UGT1A9: variants seen among roughly 807,000 people sequenced by gnomAD.
The protein encoded by UGT1A9 is UDP-glucuronosyltransferase 1A9.
A neutral mutation model predicts 45.0 loss-of-function variants in UGT1A9; 35 were observed. That is an observed-to-expected ratio of 0.78 (90% CI 0.59 to 1.03). The LOEUF (loss-of-function observed/expected upper bound fraction) is 1.03. Among genes scored for constraint, UGT1A9 ranks in the 50% least tolerant of loss-of-function variants. The pLI is 0.00. For missense variants in UGT1A9, 687 were observed against 666.6 expected (o/e 1.03, Z -0.34); for synonymous variants, 278 against 250.6 (o/e 1.11, Z -1.03).
intron 1 of UGT1A9, among the ~76,000 whole-genome samples, chr2:233,724,675 T>G (rs1346427449): frequency 7.1e-6 from 1 of 141,646 alleles, no homozygotes; most frequent in Non-Finnish European, 1.5e-5. Context: ...ACTTCCTAGA[T>G]GGGATGGCGG....
At chr2:233,711,354 C>G (rs1387342793) in intron 1 of UGT1A9, among the ~76,000 whole-genome samples, 6 of 152,220 alleles carry the variant, frequency 3.9e-5, no homozygotes, top group Non-Finnish European at 7.4e-5. Context: ...AACAGGGGAG[C>G]CCCCTGAATG....
intron 1 of UGT1A9, among the ~76,000 whole-genome samples, chr2:233,746,651 T>C (rs1051352282): frequency 6.6e-6 from 1 of 151,816 alleles, no homozygotes; most frequent in African/African-American, 2.4e-5. Context: ...CTTGGCTTTC[T>C]GTCCCGAGTT....
At chr2:233,728,805 A>G (rs2077752028) in intron 1 of UGT1A9, among the ~76,000 whole-genome samples, 1 of 152,166 alleles carries the variant, frequency 6.6e-6, no homozygotes, top group Non-Finnish European at 1.5e-5. Context: ...GAAGTAGGAG[A>G]CAGTGACATG....
chr2:233,673,256 C>T (rs1575417091), intron 1 of UGT1A9, among the ~76,000 whole-genome samples: 2 of 152,100 alleles, frequency 1.3e-5, no homozygotes, highest in African/African-American at 4.8e-5. Flanking sequence ...CTTTTCTTTG[C>T]ATTTTTCACT....
At chr2:233,690,523 C>G (rs1440582622) in intron 1 of UGT1A9, 1 of 1,289,714 alleles carries the variant, frequency 7.8e-7, no homozygotes, top group Non-Finnish European at 1.0e-6. Flanking sequence ...ATCTTAGGAT[C>G]TACTTCTTTC....
intron 1 of UGT1A9, among the ~76,000 whole-genome samples, chr2:233,764,942 G>A (rs12479045): frequency 6.6e-5 from 10 of 152,198 alleles, no homozygotes; most frequent in African/African-American, 1.9e-4. Flanking sequence ...TGAGAGTGGC[G>A]GGGAGAGAGG....
intron 1 of UGT1A9, chr2:233,713,938 A>C: frequency 6.2e-7 from 1 of 1,610,914 alleles, no homozygotes; most frequent in Non-Finnish European, 8.5e-7. Flanking sequence ...AAGTGCTTCC[A>C]TATCTACTTA....
At chr2:233,713,679 C>G in intron 1 of UGT1A9, 1 of 1,613,972 alleles carries the variant, frequency 6.2e-7, no homozygotes, top group Non-Finnish European at 8.5e-7. Context: ...TGTTTCTGCT[C>G]CTTATGCAAG....
At chr2:233,724,300 C>A (rs1204740758) in intron 1 of UGT1A9, among the ~76,000 whole-genome samples, 1 of 143,820 alleles carries the variant, frequency 7.0e-6, no homozygotes, top group Non-Finnish European at 1.5e-5. Context: ...GACCCCCCCA[C>A]CTCCCTCCCG....
intron 1 of UGT1A9, among the ~76,000 whole-genome samples, chr2:233,730,705 A>T (rs2078064782): frequency 6.6e-6 from 1 of 152,130 alleles, no homozygotes; most frequent in South Asian, 2.1e-4. Flanking sequence ...TTCTACTTGG[A>T]ATGCTGAAAT....
At chr2:233,729,155 C>A in intron 1 of UGT1A9, 1 of 1,613,596 alleles carries the variant, frequency 6.2e-7, no homozygotes, top group Non-Finnish European at 8.5e-7. Flanking sequence ...GTTCCCCTGC[C>A]GTGGCTGGCC....
Position 233,729,529 on chromosome 2 carries a change from G to A in UGT1A9, c.856-37505G>A, listed in dbSNP as rs764609992. 2.5e-6 allele frequency: 4 copies of A among 1,614,202 alleles called. No homozygotes were observed. The South Asian group carries it at 3.3e-5, about 13-fold the overall frequency. On this transcript the variant is annotated intron_variant, in intron 1 of 4. Coordinates refer to ENST00000354728, the MANE Select transcript of UGT1A9 (RefSeq NM_021027.3). ...GTCTTGTGTGGAGCTACTACATAAT[G>A]AGGCCCTGATCAGGCACCTGAATGC...
At chr2:233,757,535 A>AATATATATATATATATATATATATATAT (rs67292694) in intron 1 of UGT1A9, among the ~76,000 whole-genome samples, 42 of 88,242 alleles carry the variant, frequency 4.8e-4, no homozygotes, top group East Asian at 2.0e-3. Context: ...GCCTGTAAGG[A>AATATATATATATATATATATATATATAT]ATATATATAT....
chr2:233,722,240 A>G (rs538416824), intron 1 of UGT1A9, among the ~76,000 whole-genome samples: 40 of 152,326 alleles, frequency 2.6e-4, no homozygotes, highest in Middle Eastern at 6.8e-3. Flanking sequence ...ATCATGTATT[A>G]TCTGTGACAG....
intron 1 of UGT1A9, chr2:233,682,406 G>T (rs1420608459): frequency 6.2e-7 from 1 of 1,613,816 alleles, no homozygotes. Flanking sequence ...TGGCTTAATT[G>T]TTGCCAAATA....
intron 1 of UGT1A9, among the ~76,000 whole-genome samples, chr2:233,688,089 C>T (rs961987939): frequency 6.6e-6 from 1 of 152,206 alleles, no homozygotes; most frequent in African/African-American, 2.4e-5. Flanking sequence ...GCAGTCACTC[C>T]TTATTTCTCC....
At chr2:233,740,246 T>G (rs1354461528) in intron 1 of UGT1A9, among the ~76,000 whole-genome samples, 1 of 151,876 alleles carries the variant, frequency 6.6e-6, no homozygotes, top group African/African-American at 2.4e-5. Flanking sequence ...GAGAATAGAC[T>G]AATACAAGAT....
At position 233,691,322 on chromosome 2, in the gene UGT1A9, C is replaced by T. The variant is rs564779724; in HGVS notation, c.855+18533C>T. Reference sequence around the variant, plus strand: ...AATCCTCTTGGGAGGCTGCTCCCAGCTTGGACTGAGCTGAGTCTTCGCATG... The same window carrying T: ...AATCCTCTTGGGAGGCTGCTCCCAGTTTGGACTGAGCTGAGTCTTCGCATG... On this transcript the variant is annotated intron_variant, in intron 1 of 4. Transcript: ENST00000354728. 1.4e-5 allele frequency: 14 copies of T among 985,554 alleles called. No individual in the cohort carries two copies. In the South Asian group the frequency reaches 5.6e-4, roughly 40 times the overall value. The allele number at this position is 985,554 out of a possible 1,614,324, so 61.1% of individuals were successfully genotyped here.
At chr2:233,705,061 G>T (rs10180090) in intron 1 of UGT1A9, among the ~76,000 whole-genome samples, 1 of 151,502 alleles carries the variant, frequency 6.6e-6, no homozygotes, top group South Asian at 2.1e-4. Context: ...GCTTGAACCC[G>T]GGAGGCGGAG....
Sources: gnomAD v4.1 joint callset for allele counts (sites outside exome capture counted in the v4.1 genomes callset) on GRCh38, gnomAD v4.1.1 for gene constraint, MANE v1.5 for transcripts, NCBI Gene and HGNC (gene_info 2026-07-23, HGNC 2026-07-21) for gene names.